The following SLC24A3 variants were observed in gnomAD, a reference collection of about 807,000 sequenced individuals.
SLC24A3 encodes solute carrier family 24 member 3.
Under a neutral mutation model 75.8 loss-of-function variants are expected in SLC24A3, and 28 were observed. The ratio of observed to expected loss-of-function variants is 0.37; its 90% CI spans 0.27 to 0.51. SLC24A3 has a LOEUF of 0.51. Ranked by LOEUF, SLC24A3 falls within the 20% of genes least tolerant of loss-of-function variation. The pLI, the probability that SLC24A3 is intolerant of heterozygous loss-of-function variation, is 0.94. For missense variants in SLC24A3, 663 were observed against 847.8 expected (o/e 0.78, Z 2.71); for synonymous variants, 372 against 334.1 (o/e 1.11, Z -1.24).
At chr20:19,417,136 G>C (rs926839926) in intron 2 of SLC24A3, among the ~76,000 whole-genome samples, 5 of 152,090 alleles carry the variant, frequency 3.3e-5, no homozygotes, top group Admixed American at 3.3e-4. Context: ...AAGTAATTTG[G>C]GGTGTATTAG....
At chr20:19,382,158 A>G (rs539521611) in intron 2 of SLC24A3, among the ~76,000 whole-genome samples, 14 of 152,324 alleles carry the variant, frequency 9.2e-5, no homozygotes, top group African/African-American at 3.4e-4. Context: ...AATTTGTATG[A>G]TTCACTACAC....
At position 19,410,048 on chromosome 20, in the gene SLC24A3, T is replaced by C. The variant is rs929793871; in HGVS notation, c.272-105440T>C. On this transcript the variant is annotated intron_variant, in intron 2 of 16. Coordinates refer to ENST00000328041, the MANE Select transcript of SLC24A3 (RefSeq NM_020689.4). Reference sequence around the variant, plus strand: ...TAAAGTATGTCGACAGTTTTTTGAATGCCAGAATTCAGACGAAATTCATCG... The same window carrying C: ...TAAAGTATGTCGACAGTTTTTTGAACGCCAGAATTCAGACGAAATTCATCG... 9.9e-5 allele frequency among the ~76,000 whole-genome samples: 15 copies of C among 152,282 alleles called. 1 individual carries two copies. The highest frequency in any genetic ancestry group is 3.6e-4 in the African/African-American group (15 of 41,550).
intron 6 of SLC24A3, among the ~76,000 whole-genome samples, chr20:19,597,098 T>G (rs1389735519): frequency 1.3e-5 from 2 of 152,178 alleles, no homozygotes; most frequent in African/African-American, 4.8e-5. Context: ...AAATACAATT[T>G]TTTGCTAGGC....
chr20:19,477,254 A>C (rs1987976506), intron 2 of SLC24A3, among the ~76,000 whole-genome samples: 2 of 152,154 alleles, frequency 1.3e-5, no homozygotes, highest in South Asian at 4.1e-4. Flanking sequence ...TGGGCCTCCA[A>C]ATTTGGAAAC....
At chr20:19,660,307 G>C (rs974617654) in intron 7 of SLC24A3, among the ~76,000 whole-genome samples, 3 of 149,092 alleles carry the variant, frequency 2.0e-5, no homozygotes, top group Non-Finnish European at 4.4e-5. Flanking sequence ...CACCTTCTAA[G>C]TCTCCAAAGT....
intron 1 of SLC24A3, chr20:19,264,206 A>G (rs1168813287): frequency 1.3e-5 from 2 of 151,594 alleles, no homozygotes; most frequent in Non-Finnish European, 2.9e-5. Context: ...TGGACCAAAC[A>G]CATCTTCCCA....
intron 10 of SLC24A3, among the ~76,000 whole-genome samples, chr20:19,682,825 A>G (rs2032630532): frequency 1.3e-5 from 2 of 152,226 alleles, no homozygotes; most frequent in Non-Finnish European, 2.9e-5. Flanking sequence ...CTTCAAAGTA[A>G]TTCTTGTATT....
chr20:19,221,731 T>C (rs1164133058), intron 1 of SLC24A3, among the ~76,000 whole-genome samples: 2 of 152,164 alleles, frequency 1.3e-5, no homozygotes, highest in Non-Finnish European at 2.9e-5. Context: ...GAAGCCTGTA[T>C]CCACCCCCCG....
At chr20:19,714,425 AAC>A (rs534526265) in intron 15 of SLC24A3, among the ~76,000 whole-genome samples, 53,395 of 120,016 alleles carry the variant, frequency 0.44, 11,583 homozygotes, top group East Asian at 0.78. Flanking sequence ...AAAAAAAAAA[AAC>A]AACAAAAAGA....
intron 2 of SLC24A3, among the ~76,000 whole-genome samples, chr20:19,436,054 G>C (rs1001292438): frequency 6.6e-6 from 1 of 152,132 alleles, no homozygotes; most frequent in East Asian, 1.9e-4. Flanking sequence ...TGCAAATAGT[G>C]GAGATAATAA....
intron 2 of SLC24A3, among the ~76,000 whole-genome samples, chr20:19,302,210 G>T (rs1984212486): frequency 6.6e-6 from 1 of 152,232 alleles, no homozygotes; most frequent in Non-Finnish European, 1.5e-5. Context: ...AGTGGTCTTT[G>T]CCCTACATGT....
At chr20:19,299,330 C>T (rs947260951) in intron 2 of SLC24A3, among the ~76,000 whole-genome samples, 4 of 152,116 alleles carry the variant, frequency 2.6e-5, no homozygotes, top group African/African-American at 7.2e-5. Flanking sequence ...CCTGCCACAG[C>T]AGTGGGCTCA....
intron 3 of SLC24A3, among the ~76,000 whole-genome samples, chr20:19,572,470 G>C (rs1037764918): frequency 1.4e-5 from 2 of 143,822 alleles, no homozygotes; most frequent in Admixed American, 7.4e-5. Flanking sequence ...AGCCCACTCA[G>C]GGGTACTGAT....
At chr20:19,560,844 G>T (rs1271754264) in intron 3 of SLC24A3, among the ~76,000 whole-genome samples, 1 of 152,240 alleles carries the variant, frequency 6.6e-6, no homozygotes, top group East Asian at 1.9e-4. Flanking sequence ...CGAAGAAAGG[G>T]TAATTCTTTG....
chr20:19,619,866 GT>G (rs1275399165), intron 6 of SLC24A3, among the ~76,000 whole-genome samples: 4 of 152,234 alleles, frequency 2.6e-5, no homozygotes, highest in Admixed American at 1.3e-4. Context: ...AAAAAGTGAT[GT>G]GTACAGATTA....
intron 8 of SLC24A3, among the ~76,000 whole-genome samples, chr20:19,668,375 G>A (rs1053453919): frequency 5.3e-5 from 8 of 152,132 alleles, no homozygotes; most frequent in African/African-American, 1.9e-4. Flanking sequence ...GCGTCTAGGT[G>A]CTGATTTCTC....
chr20:19,688,790 C>G (rs536608594), intron 12 of SLC24A3, among the ~76,000 whole-genome samples: 2 of 152,238 alleles, frequency 1.3e-5, no homozygotes, highest in East Asian at 1.9e-4. Flanking sequence ...TATGTGAATA[C>G]TGTTGTGAGT....
At chr20:19,224,327 A>G (rs1981818203) in intron 1 of SLC24A3, among the ~76,000 whole-genome samples, 2 of 152,214 alleles carry the variant, frequency 1.3e-5, no homozygotes, top group Non-Finnish European at 1.5e-5. Flanking sequence ...AAAGTCAATT[A>G]AAAAGTATAA....
chr20:19,347,634 T>C (rs1307332717), intron 2 of SLC24A3, among the ~76,000 whole-genome samples: 1 of 152,194 alleles, frequency 6.6e-6, no homozygotes, highest in Non-Finnish European at 1.5e-5. Flanking sequence ...CAAAATAAAT[T>C]GGAACAGAAT....
Sources: allele counts gnomAD v4.1 joint callset (sites outside exome capture counted in the v4.1 genomes callset), GRCh38; gene constraint gnomAD v4.1.1; transcripts MANE v1.5; gene names NCBI Gene and HGNC (gene_info 2026-07-23, HGNC 2026-07-21).